The following XYLT1 variants were observed in gnomAD, a reference collection of about 807,000 sequenced individuals.
The protein encoded by XYLT1 is beta-D-xylosyltransferase 1.
Under a neutral mutation model 91.3 loss-of-function variants are expected in XYLT1, and 36 were observed. The ratio of observed to expected loss-of-function variants is 0.39; its 90% CI spans 0.30 to 0.52. The LOEUF (loss-of-function observed/expected upper bound fraction) is 0.52. Ranked by LOEUF, XYLT1 falls within the 20% of genes least tolerant of loss-of-function variation. XYLT1 has a pLI of 0.68. For synonymous variants in XYLT1, 588 were observed against 532.0 expected (o/e 1.11, Z -1.45); for missense variants, 1,242 against 1,284.5 (o/e 0.97, Z 0.51).
chr16:17,456,354 T>C (rs1465797696), intron 1 of XYLT1, among the ~76,000 whole-genome samples: 2 of 124,042 alleles, frequency 1.6e-5, no homozygotes, highest in Non-Finnish European at 3.3e-5. Context: ...TTTTTTTTTT[T>C]GGAGACAGGA....
chr16:17,457,520 T>C (rs557805878), intron 1 of XYLT1, among the ~76,000 whole-genome samples: 2 of 152,358 alleles, frequency 1.3e-5, no homozygotes, highest in Admixed American at 6.5e-5. Flanking sequence ...TCACTGAACA[T>C]CCTTCCTTAG....
At chr16:17,126,519 C>T (rs1371165904) in intron 10 of XYLT1, among the ~76,000 whole-genome samples, 1 of 152,120 alleles carries the variant, frequency 6.6e-6, no homozygotes, top group African/African-American at 2.4e-5. Context: ...GCCTGTTTGT[C>T]ATGGGGATAC....
At chr16:17,193,631 T>A (rs1000499251) in intron 5 of XYLT1, 4 of 152,264 alleles carry the variant, frequency 2.6e-5, no homozygotes, top group African/African-American at 9.6e-5. Flanking sequence ...CCCCAAGTTT[T>A]CAGTGCCTCT....
chr16:17,264,644 C>T (rs17277587), intron 2 of XYLT1, among the ~76,000 whole-genome samples: 39,454 of 152,040 alleles, frequency 0.26, 5,381 homozygotes, highest in Non-Finnish European at 0.31. Context: ...CAGGCAGACC[C>T]ATAAAAAATA....
chr16:17,382,582 C>T (rs377222380), intron 1 of XYLT1, among the ~76,000 whole-genome samples: 2 of 151,860 alleles, frequency 1.3e-5, no homozygotes, highest in Non-Finnish European at 2.9e-5. Flanking sequence ...TCTCAGGACT[C>T]GGGGCAGGCC....
At chr16:17,264,324 G>A (rs1315721903) in intron 2 of XYLT1, among the ~76,000 whole-genome samples, 2 of 152,164 alleles carry the variant, frequency 1.3e-5, no homozygotes, top group African/African-American at 4.8e-5. Context: ...ATAAACACGT[G>A]TACTATCTGT....
intron 2 of XYLT1, among the ~76,000 whole-genome samples, chr16:17,316,263 G>A (rs1476908712): frequency 6.6e-6 from 1 of 152,196 alleles, no homozygotes; most frequent in Non-Finnish European, 1.5e-5. Context: ...GGGACTGTAG[G>A]TTATTGGCAG....
At position 17,198,302 on chromosome 16, in the gene XYLT1, G is replaced by T. The variant is rs1387287526; in HGVS notation, c.1199C>A (p.Thr400Asn). Residue 400 changes from threonine (T) to asparagine (N), a missense_variant, in exon 5 of 12, where the codon ACC (threonine) becomes AAC (asparagine). Thr to Asn is a moderately conservative substitution (Grantham distance 65). This residue lies in a region of XYLT1 where 294 missense variants were observed against 376.0 expected (regional missense o/e 0.78). Transcript: ENST00000261381. Reference sequence around the variant, plus strand: ...GAGGTCCCGCATGCTCTGCAGGTAGGTGGACAGGAGGCTGGCTCCTCCCCA... The same window carrying T: ...GAGGTCCCGCATGCTCTGCAGGTAGTTGGACAGGAGGCTGGCTCCTCCCCA... ...TIWGGASLLS[T>N]YLQSMRDLLE... 4.3e-6 allele frequency: 7 copies of T among 1,614,122 alleles called. No individual in the cohort carries two copies. In the African/African-American group the frequency reaches 8.0e-5, roughly 18 times the overall value.
intron 2 of XYLT1, among the ~76,000 whole-genome samples, chr16:17,273,480 C>A (rs180904621): frequency 1.3e-5 from 2 of 152,202 alleles, no homozygotes; most frequent in African/African-American, 2.4e-5. Flanking sequence ...ATCTCAGGCC[C>A]CAGCCTGGAC....
Position 17,108,766 on chromosome 16 carries a change from C to T in XYLT1, c.2809G>A (p.Ala937Thr), listed in dbSNP as rs780303292. 1.1e-5 allele frequency: 17 copies of T among 1,608,424 alleles called. No homozygotes were observed. The Admixed American group carries it at 1.7e-4, about 16-fold the overall frequency. Reference sequence around the variant, plus strand: ...GGGTCAGGGCTGAAGGAGCTCCAGGCCGTCTGGCTGCAGGTCTGCATGACC... The same window carrying T: ...GGGTCAGGGCTGAAGGAGCTCCAGGTCGTCTGGCTGCAGGTCTGCATGACC... ...CPVMQTCSQT[A>T]WSSFSPDPKS... Residue 937 changes from alanine to threonine, a missense_variant, in exon 12 of 12, where the codon GCC (alanine) becomes ACC (threonine). Physicochemically the swap from Ala to Thr is moderately conservative, Grantham distance 58. Around this residue, in one of 3 missense-constraint regions of XYLT1, gnomAD observed 511 missense variants for 497.0 expected, o/e 1.03. Coordinates refer to ENST00000261381, the MANE Select transcript of XYLT1 (RefSeq NM_022166.4).
At chr16:17,256,423 C>T (rs551579402) in intron 3 of XYLT1, among the ~76,000 whole-genome samples, 21 of 152,076 alleles carry the variant, frequency 1.4e-4, no homozygotes, top group Non-Finnish European at 2.1e-4. Flanking sequence ...GGGGCCGAGG[C>T]GGGTGGATCA....
chr16:17,433,528 C>T (rs2036416391), intron 1 of XYLT1, among the ~76,000 whole-genome samples: 1 of 152,196 alleles, frequency 6.6e-6, no homozygotes, highest in Admixed American at 6.5e-5. Flanking sequence ...AATCCACAAA[C>T]ACGCATGATG....
chr16:17,108,686 T>G lies in XYLT1; in HGVS notation c.*9A>C. 6.4e-7 allele frequency: 1 copy of G among 1,554,906 alleles called. No homozygotes were observed. The highest frequency in any genetic ancestry group is 8.7e-7 in the Non-Finnish European group (1 of 1,151,072). ...AGATCCTGCTGTGGCCCACTCCTCGTGCCCAGTGCTACCTGAGCCGGCCAT... is the reference window on the plus strand; with the variant it reads ...AGATCCTGCTGTGGCCCACTCCTCGGGCCCAGTGCTACCTGAGCCGGCCAT... On this transcript the variant is annotated 3_prime_UTR_variant, in exon 12 of 12. Coordinates refer to ENST00000261381, the MANE Select transcript of XYLT1 (RefSeq NM_022166.4).
chr16:17,337,868 T>C (rs949711440), intron 2 of XYLT1, among the ~76,000 whole-genome samples: 19 of 150,866 alleles, frequency 1.3e-4, no homozygotes, highest in African/African-American at 4.4e-4. Context: ...CCAGCTTCTG[T>C]CTCCAGGGTT....
chr16:17,379,971 T>G (rs2035659078), intron 1 of XYLT1, among the ~76,000 whole-genome samples: 1 of 152,132 alleles, frequency 6.6e-6, no homozygotes, highest in African/African-American at 2.4e-5. Flanking sequence ...CCATTTTCCT[T>G]TGTGTCTGGC....
chr16:17,181,835 G>A (rs752484038), intron 5 of XYLT1, among the ~76,000 whole-genome samples: 22 of 152,024 alleles, frequency 1.4e-4, no homozygotes, highest in Non-Finnish European at 2.8e-4. Flanking sequence ...TACCCCAACC[G>A]CTTGATGCAA....
intron 2 of XYLT1, among the ~76,000 whole-genome samples, chr16:17,334,433 C>A (rs965839183): frequency 1.3e-5 from 2 of 152,086 alleles, no homozygotes; most frequent in African/African-American, 4.8e-5. Flanking sequence ...CCTGCCATGA[C>A]CTCCACCCCA....
chr16:17,229,121 C>T (rs2033117756), intron 3 of XYLT1, among the ~76,000 whole-genome samples: 1 of 152,150 alleles, frequency 6.6e-6, no homozygotes, highest in African/African-American at 2.4e-5. Context: ...CAATGAGTGC[C>T]ACCAAGCCCG....
intron 6 of XYLT1, among the ~76,000 whole-genome samples, chr16:17,142,460 G>T (rs2031008405): frequency 6.9e-6 from 1 of 145,888 alleles, no homozygotes; most frequent in African/African-American, 2.6e-5. Flanking sequence ...TTGAGACAGG[G>T]TCTCACTCGG....
Sources: allele counts gnomAD v4.1 joint callset (sites outside exome capture counted in the v4.1 genomes callset), GRCh38; gene constraint gnomAD v4.1.1; regional missense constraint gnomAD v4.1.1; transcripts MANE v1.5; gene names NCBI Gene and HGNC (gene_info 2026-07-23, HGNC 2026-07-21).